The following EMC3 variants were observed in gnomAD, a reference collection of about 807,000 sequenced individuals.
EMC3 encodes ER membrane protein complex subunit 3.
A neutral mutation model predicts 36.6 loss-of-function variants in EMC3; 13 were observed. That is an observed-to-expected ratio of 0.35 (90% CI 0.23 to 0.56). The LOEUF (loss-of-function observed/expected upper bound fraction) is 0.56, where lower values mean the gene tolerates loss of function less well. Ranked by LOEUF, EMC3 falls within the 20% of genes least tolerant of loss-of-function variation. The pLI, the probability that EMC3 is intolerant of heterozygous loss-of-function variation, is 0.84. For missense variants in EMC3, 220 were observed against 324.5 expected (o/e 0.68, Z 2.47); for synonymous variants, 120 against 111.9 (o/e 1.07, Z -0.46).
chr3:10,000,176 T>G (rs910053850), intron 1 of EMC3, among the ~76,000 whole-genome samples: 4 of 152,058 alleles, frequency 2.6e-5, no homozygotes, highest in African/African-American at 9.7e-5. Context: ...GTAGCTGGGA[T>G]TACAGGTGCC....
At chr3:10,008,726 C>T (rs2086291145) in intron 1 of EMC3, 1 of 331,322 alleles carries the variant, frequency 3.0e-6, no homozygotes, top group Non-Finnish European at 6.0e-6. Context: ...TAGCCACTTC[C>T]CAGTACTCTG....
chr3:9,986,382 TA>T, intron 1 of EMC3, 124 bp downstream of exon 1: 1 of 1,074,904 alleles, frequency 9.3e-7, no homozygotes, highest in Non-Finnish European at 1.4e-6. Context: ...AACACAGAGG[TA>T]ACGGGTAAGG....
At chr3:9,977,704 G>C (rs933718022) in intron 1 of EMC3, among the ~76,000 whole-genome samples, 4 of 152,142 alleles carry the variant, frequency 2.6e-5, no homozygotes, top group African/African-American at 9.7e-5. Context: ...GTACATTTGG[G>C]ACATTACACT....
intron 1 of EMC3, among the ~76,000 whole-genome samples, chr3:10,001,895 A>AG (rs2086205412): frequency 6.6e-6 from 1 of 151,976 alleles, no homozygotes; most frequent in Non-Finnish European, 1.5e-5. Flanking sequence ...GCTACTCAGG[A>AG]GGCTGAGGCA....
intron 1 of EMC3, chr3:9,981,512 A>G (rs1462386926): frequency 6.3e-6 from 1 of 158,342 alleles, no homozygotes. Flanking sequence ...TTAATTTTGT[A>G]TTTTTATTTT....
intron 7 of EMC3, chr3:9,969,375 G>A: frequency 8.7e-7 from 1 of 1,145,348 alleles, no homozygotes; most frequent in Non-Finnish European, 1.1e-6. Context: ...TCTTAGTATT[G>A]TTTTTTTAAT....
chr3:9,974,715 C>CGGG (rs1683364703), intron 3 of EMC3, among the ~76,000 whole-genome samples: 3 of 151,380 alleles, frequency 2.0e-5, no homozygotes, highest in Admixed American at 1.3e-4. Context: ...CCTGCCACCA[C>CGGG]GCCTGGCTAA....
At chr3:9,987,558 A>G (rs1050040888), upstream of EMC3, among the ~76,000 whole-genome samples, 3 of 152,226 alleles carry the variant, frequency 2.0e-5, no homozygotes, top group Non-Finnish European at 4.4e-5. Context: ...GCACGTGTTA[A>G]AGGCGGGTGT....
intron 3 of EMC3, among the ~76,000 whole-genome samples, chr3:9,974,801 GC>G (rs2085826932): frequency 1.4e-5 from 2 of 148,126 alleles, no homozygotes; most frequent in South Asian, 4.2e-4. Flanking sequence ...CTCGTGATCC[GC>G]CTGCTTCGGC....
At chr3:9,996,479 GAA>G (rs565318063) in intron 1 of EMC3, among the ~76,000 whole-genome samples, 132 of 152,128 alleles carry the variant, frequency 8.7e-4, no homozygotes, top group Non-Finnish European at 1.5e-3. Context: ...AAAACAAAAA[GAA>G]GAGATTAGAT....
At chr3:9,964,232 G>C (rs747752847) in intron 7 of EMC3, 35 bp from the exon 8 acceptor site, 2 of 1,609,720 alleles carry the variant, frequency 1.2e-6, no homozygotes, top group Non-Finnish European at 1.7e-6. Flanking sequence ...CAGGAAGAGA[G>C]GGAATTGTTA....
At chr3:10,004,145 C>G (rs2086236881) in intron 1 of EMC3, 1 of 152,152 alleles carries the variant, frequency 6.6e-6, no homozygotes, top group South Asian at 2.1e-4. Context: ...GTCCTCTCAG[C>G]AAAAATTTAA....
upstream of EMC3, among the ~76,000 whole-genome samples, chr3:9,991,030 A>G (rs559551021): frequency 1.9e-3 from 288 of 151,340 alleles, 2 homozygotes; most frequent in Non-Finnish European, 3.0e-3. Context: ...GGGTTTCACC[A>G]TGTTAGCCAG....
At chr3:9,973,208 G>C (rs1316150146) in intron 5 of EMC3, among the ~76,000 whole-genome samples, 1 of 141,518 alleles carries the variant, frequency 7.1e-6, no homozygotes, top group African/African-American at 2.6e-5. Flanking sequence ...TTGTTTGTTT[G>C]TTTTCAGACA....
intron 1 of EMC3, among the ~76,000 whole-genome samples, chr3:9,978,558 G>A (rs2124911282): frequency 6.6e-6 from 1 of 152,184 alleles, no homozygotes; most frequent in South Asian, 2.1e-4. Context: ...GGGGCCAGGC[G>A]CAGTGGCTCA....
rs758502481 is a variant in EMC3, at chr3:9,963,456, T to TAGATAGATAGATATAGATATAGATATAG, written c.*612_*613insCTATATCTATATCTATATCTATCTATCT. The TAGATAGATAGATATAGATATAGATATAG allele has an allele frequency of 3.0e-5, 3 of 100,758 alleles. No individual in the cohort carries two copies. The highest frequency in any genetic ancestry group is 1.2e-4 in the African/African-American group (3 of 25,156). The allele number at this position is 100,758 out of a possible 1,614,324, so 6.2% of individuals were successfully genotyped here. ...AAGACTGGGCTTCTGCTAAGATAGA[T>TAGATAGATAGATATAGATATAGATATAG]ATATATATATATATATATATATTTT... On this transcript the variant is annotated 3_prime_UTR_variant, in exon 8 of 8. Coordinates refer to ENST00000245046, the MANE Select transcript of EMC3 (RefSeq NM_001394674.1).
At chr3:10,008,415 T>C (rs1161719908) in intron 1 of EMC3, 1 of 1,367,682 alleles carries the variant, frequency 7.3e-7, no homozygotes, top group Admixed American at 1.9e-5. Flanking sequence ...TGGGCCGGCA[T>C]GCAGGCCGGG....
At chr3:10,002,400 C>T (rs148768753) in intron 1 of EMC3, among the ~76,000 whole-genome samples, 2 of 151,958 alleles carry the variant, frequency 1.3e-5, no homozygotes, top group African/African-American at 4.8e-5. Flanking sequence ...GTGATCCTCC[C>T]ACCTCAGCCT....
chr3:9,996,391 G>A (rs6786231), intron 1 of EMC3, among the ~76,000 whole-genome samples: 29,345 of 152,000 alleles, frequency 0.19, 3,484 homozygotes, highest in African/African-American at 0.35. Context: ...GCTACAGTGA[G>A]CCATGATTGT....
Sources: allele counts gnomAD v4.1 joint callset (sites outside exome capture counted in the v4.1 genomes callset), GRCh38; gene constraint gnomAD v4.1.1; transcripts MANE v1.5; gene names NCBI Gene and HGNC (gene_info 2026-07-23, HGNC 2026-07-21).